Variants in WDR72 observed in about 807,000 individuals in gnomAD.
The protein encoded by WDR72 is WD repeat-containing protein 72.
In WDR72, 120 loss-of-function variants were observed where a neutral mutation model predicts 124.2. The ratio of observed to expected loss-of-function variants is 0.97; its 90% CI spans 0.83 to 1.12. The LOEUF is 1.12. WDR72 is among the 50% of genes most tolerant of loss of function. The pLI is 0.00. For missense variants in WDR72, 1,387 were observed against 1,278.8 expected, an observed-to-expected ratio of 1.08 and a Z score of -1.29; for synonymous variants, 452 against 441.7, an observed-to-expected ratio of 1.02 and a Z score of -0.29.
intron 1 of WDR72, among the ~76,000 whole-genome samples, chr15:53,753,412 A>C (rs1302978585): frequency 2.6e-5 from 4 of 152,238 alleles, no homozygotes; most frequent in Non-Finnish European, 4.4e-5. Flanking sequence ...CACCTTTTGC[A>C]CTAAAGGATT....
At position 53,691,006 on chromosome 15, in the gene WDR72, G is replaced by A. The variant is rs1207503587; in HGVS notation, c.1765+8744C>T. Among the ~76,000 whole-genome samples, 4 of 152,076 alleles carry A rather than the reference G, an allele frequency of 2.6e-5. No homozygotes were observed. In the East Asian group the frequency reaches 5.8e-4, roughly 22 times the overall value. On this transcript the variant is annotated intron_variant, in intron 13 of 19. Coordinates refer to ENST00000360509, the MANE Select transcript of WDR72 (RefSeq NM_182758.4). ...AAATTATAAGTATCCTAGTGAATAT[G>A]AAATGGTATTTCATTATAACTTTGA...
At chr15:53,675,637 C>T (rs2016145817) in intron 13 of WDR72, among the ~76,000 whole-genome samples, 1 of 152,104 alleles carries the variant, frequency 6.6e-6, no homozygotes, top group South Asian at 2.1e-4. Context: ...TTTTGTCCCT[C>T]ATGCTTTTAA....
At chr15:53,618,371 A>T (rs571250857) in intron 14 of WDR72, among the ~76,000 whole-genome samples, 4 of 152,088 alleles carry the variant, frequency 2.6e-5, no homozygotes, top group Admixed American at 2.0e-4. Context: ...ATATGTTTAT[A>T]TTACTTGCCT....
At chr15:53,698,965 A>G (rs1050170237) in intron 13 of WDR72, among the ~76,000 whole-genome samples, 6 of 152,228 alleles carry the variant, frequency 3.9e-5, no homozygotes, top group Non-Finnish European at 8.8e-5. Flanking sequence ...TCACTTACAC[A>G]TGACAGTAAA....
chr15:53,523,403 C>T, intron 18 of WDR72, 81 bp from the exon 19 acceptor site: 1 of 1,316,086 alleles, frequency 7.6e-7, no homozygotes, highest in Non-Finnish European at 1.1e-6. Flanking sequence ...AAAACATTTC[C>T]TTTCAGTTCC....
At chr15:53,589,943 T>C (rs1459017335) in intron 18 of WDR72, among the ~76,000 whole-genome samples, 1 of 152,032 alleles carries the variant, frequency 6.6e-6, no homozygotes, top group Non-Finnish European at 1.5e-5. Context: ...TTTAGAAGAA[T>C]GTATATGGGC....
At chr15:53,718,204 A>C (rs2017767839) in intron 3 of WDR72, among the ~76,000 whole-genome samples, 1 of 152,142 alleles carries the variant, frequency 6.6e-6, no homozygotes, top group Non-Finnish European at 1.5e-5. Context: ...GGATCCTGGC[A>C]TGTGTGGTTT....
intron 14 of WDR72, among the ~76,000 whole-genome samples, chr15:53,630,849 T>C (rs1320862764): frequency 1.3e-5 from 2 of 152,130 alleles, no homozygotes; most frequent in African/African-American, 4.8e-5. Flanking sequence ...GTACTAGACG[T>C]CCTGGACGGG....
chr15:53,761,860 C>CA (rs1225688539), upstream of WDR72, among the ~76,000 whole-genome samples: 2 of 119,712 alleles, frequency 1.7e-5, no homozygotes, highest in African/African-American at 3.0e-5. Context: ...ACCCACAAAA[C>CA]AAAAAATGCA....
chr15:53,565,209 G>A (rs1364075935), intron 18 of WDR72, among the ~76,000 whole-genome samples: 1 of 151,824 alleles, frequency 6.6e-6, no homozygotes, highest in Non-Finnish European at 1.5e-5. Context: ...TTGGGGACTC[G>A]AGGCAGGTGA....
chr15:53,609,377 C>T, intron 17 of WDR72, 136 bp downstream of exon 17: 1 of 750,478 alleles, frequency 1.3e-6, no homozygotes. Flanking sequence ...TGTTTTCCCT[C>T]ATCTCTATGT....
intron 15 of WDR72, among the ~76,000 whole-genome samples, chr15:53,614,560 C>T (rs1223714405): frequency 1.3e-5 from 2 of 151,930 alleles, no homozygotes; most frequent in Admixed American, 6.6e-5. Context: ...GAAAGGCGTA[C>T]CAAAAGTCCA....
At chr15:53,583,072 G>A (rs1490784885) in intron 18 of WDR72, among the ~76,000 whole-genome samples, 3 of 151,822 alleles carry the variant, frequency 2.0e-5, no homozygotes, top group Non-Finnish European at 2.9e-5. Flanking sequence ...CATGAAATAG[G>A]GTGATTTACA....
chr15:53,564,694 T>C (rs1276106666), intron 18 of WDR72, among the ~76,000 whole-genome samples: 4 of 151,888 alleles, frequency 2.6e-5, no homozygotes, highest in Non-Finnish European at 5.9e-5. Flanking sequence ...TGGTATTTTC[T>C]GACCTATCAA....
chr15:53,568,013 G>C (rs1329422130), intron 18 of WDR72, among the ~76,000 whole-genome samples: 1 of 146,102 alleles, frequency 6.8e-6, no homozygotes, highest in Non-Finnish European at 1.5e-5. Flanking sequence ...CTTGAATAAA[G>C]ACTATTGATT....
chr15:53,523,155 A>G, intron 19 of WDR72, 63 bp downstream of exon 19: 2 of 1,512,364 alleles, frequency 1.3e-6, no homozygotes, highest in East Asian at 2.3e-5. Flanking sequence ...ACCCCCTTCC[A>G]AGGACCCCAA....
intron 1 of WDR72, among the ~76,000 whole-genome samples, chr15:53,746,281 G>A (rs920679424): frequency 6.6e-6 from 1 of 152,098 alleles, no homozygotes; most frequent in Admixed American, 6.5e-5. Flanking sequence ...TTTGTGGGTG[G>A]TGTCTACTGG....
intron 14 of WDR72, among the ~76,000 whole-genome samples, chr15:53,631,610 T>G (rs2014432095): frequency 2.6e-5 from 4 of 152,178 alleles, no homozygotes; most frequent in Admixed American, 2.6e-4. Flanking sequence ...TTGTTAAATG[T>G]TTGTGACCAA....
At chr15:53,581,378 T>C (rs918811755) in intron 18 of WDR72, among the ~76,000 whole-genome samples, 1 of 152,142 alleles carries the variant, frequency 6.6e-6, no homozygotes. Context: ...TCAAAATATT[T>C]ACTATGTAAA....
Sources: allele counts gnomAD v4.1 joint callset (sites outside exome capture counted in the v4.1 genomes callset), GRCh38; gene constraint gnomAD v4.1.1; transcripts MANE v1.5; gene names NCBI Gene and HGNC (gene_info 2026-07-23, HGNC 2026-07-21).